Variants in CPVL observed in about 807,000 individuals in gnomAD.
CPVL encodes the protein carboxypeptidase vitellogenic like, also known as probable serine carboxypeptidase CPVL.
CPVL carries 51 observed loss-of-function variants against 63.7 expected under a neutral mutation model. The ratio of observed to expected loss-of-function variants is 0.80; its 90% CI spans 0.64 to 1.01. The LOEUF is 1.01. Among genes scored for constraint, CPVL ranks in the 50% least tolerant of loss-of-function variants. The pLI, the probability that CPVL is intolerant of heterozygous loss-of-function variation, is 0.00. For missense variants in CPVL, 530 were observed against 573.1 expected, an observed-to-expected ratio of 0.92 and a Z score of 0.77; for synonymous variants, 195 against 206.0, an observed-to-expected ratio of 0.95 and a Z score of 0.46.
At chr7:29,090,831 T>C (rs1279936599) in intron 6 of CPVL, among the ~76,000 whole-genome samples, 1 of 152,224 alleles carries the variant, frequency 6.6e-6, no homozygotes. Context: ...GAACGGTAAA[T>C]GTCTCCTTAC....
chr7:29,124,213 A>T (rs1296506136), intron 1 of CPVL, among the ~76,000 whole-genome samples: 1 of 152,166 alleles, frequency 6.6e-6, no homozygotes, highest in African/African-American at 2.4e-5. Flanking sequence ...ACATTTATTG[A>T]GCAATTTCTA....
At chr7:29,061,467 T>C (rs759163855) in intron 11 of CPVL, among the ~76,000 whole-genome samples, 5 of 152,122 alleles carry the variant, frequency 3.3e-5, no homozygotes, top group South Asian at 4.1e-4. Context: ...TTGGAATTCA[T>C]AGTGGTAAGT....
chr7:29,056,075 A>G (rs896068872), intron 11 of CPVL, among the ~76,000 whole-genome samples: 6 of 152,226 alleles, frequency 3.9e-5, no homozygotes, highest in African/African-American at 1.2e-4. Flanking sequence ...AATTGAGTGT[A>G]AAGTACAGAG....
chr7:29,165,496 T>TC, intron 5 of CPVL, among the ~76,000 whole-genome samples: 1 of 152,204 alleles, frequency 6.6e-6, no homozygotes, highest in South Asian at 2.1e-4. Flanking sequence ...TGTTGTCTGT[T>TC]AATAGAGACT....
intron 3 of CPVL, among the ~76,000 whole-genome samples, chr7:29,100,150 C>A (rs1225061448): frequency 6.6e-6 from 1 of 152,152 alleles, no homozygotes; most frequent in Non-Finnish European, 1.5e-5. Flanking sequence ...TGGAAGGTAG[C>A]CCCTGCTCTT....
chr7:29,144,006 T>G (rs551095697), intron 1 of CPVL, among the ~76,000 whole-genome samples: 1 of 152,236 alleles, frequency 6.6e-6, no homozygotes, highest in Non-Finnish European at 1.5e-5. Context: ...CTTGCAAATA[T>G]AGTATAAAAG....
At chr7:28,996,529 TAAA>T (rs1310022804) in intron 12 of CPVL, among the ~76,000 whole-genome samples, 1 of 106,146 alleles carries the variant, frequency 9.4e-6, no homozygotes, top group South Asian at 3.1e-4. Flanking sequence ...CCCCATCTCT[TAAA>T]AAAAAAAACC....
intron 12 of CPVL, among the ~76,000 whole-genome samples, chr7:29,018,798 G>T (rs991344674): frequency 7.9e-5 from 12 of 152,148 alleles, no homozygotes; most frequent in Non-Finnish European, 1.0e-4. Context: ...CAGCAACTTT[G>T]ATATTTGGAG....
chr7:29,061,255 GA>G (rs1791249120), intron 11 of CPVL, among the ~76,000 whole-genome samples: 1 of 151,386 alleles, frequency 6.6e-6, no homozygotes, highest in African/African-American at 2.4e-5. Flanking sequence ...TAAAAATACG[GA>G]AAAAAAATTA....
chr7:29,140,009 C>T (rs532371486), intron 1 of CPVL, among the ~76,000 whole-genome samples: 3 of 152,144 alleles, frequency 2.0e-5, no homozygotes, highest in Non-Finnish European at 2.9e-5. Flanking sequence ...CTCAGAATGG[C>T]TTCATCTTTA....
intron 12 of CPVL, among the ~76,000 whole-genome samples, chr7:29,016,876 C>G (rs1444518083): frequency 6.6e-6 from 1 of 152,230 alleles, no homozygotes; most frequent in Non-Finnish European, 1.5e-5. Context: ...AAACCAATAT[C>G]AAGAAGGTGG....
intron 12 of CPVL, among the ~76,000 whole-genome samples, chr7:29,017,054 C>T (rs752815029): frequency 6.6e-5 from 10 of 152,168 alleles, no homozygotes; most frequent in Admixed American, 1.3e-4. Context: ...ACTGCTTAAA[C>T]AATGGAACAC....
At chr7:29,051,610 GGATGCAGT>G (rs548123663) in intron 11 of CPVL, among the ~76,000 whole-genome samples, 8 of 152,140 alleles carry the variant, frequency 5.3e-5, no homozygotes, top group Non-Finnish European at 1.2e-4. Flanking sequence ...ATGTTAGCGT[GGATGCAGT>G]GATCAGGGAA....
chr7:29,095,609 C>A (rs1052336157), intron 4 of CPVL, among the ~76,000 whole-genome samples: 158 of 142,678 alleles, frequency 1.1e-3, no homozygotes, highest in South Asian at 0.01. Context: ...AAAAAAAAAA[C>A]AAAATGAGAT....
chr7:29,086,610 C>T (rs1785228302), intron 6 of CPVL, 60 bp from the exon 7 acceptor site: 1 of 1,227,512 alleles, frequency 8.1e-7, no homozygotes, highest in Admixed American at 1.7e-5. Flanking sequence ...AGGATCTCTT[C>T]ATGCTAGGAT....
intron 2 of CPVL, among the ~76,000 whole-genome samples, chr7:29,114,606 G>C (rs1788584734): frequency 6.6e-6 from 1 of 151,824 alleles, no homozygotes; most frequent in African/African-American, 2.4e-5. Context: ...CTCCAGCCTG[G>C]ATAACACAGC....
intron 9 of CPVL, among the ~76,000 whole-genome samples, chr7:29,068,316 G>A (rs1783346357): frequency 6.6e-6 from 1 of 152,108 alleles, no homozygotes; most frequent in African/African-American, 2.4e-5. Context: ...CCCCCGGCCT[G>A]TATTCATATT....
chr7:29,010,196 A>T (rs540466188), intron 12 of CPVL: 1 of 152,300 alleles, frequency 6.6e-6, no homozygotes, highest in Non-Finnish European at 1.5e-5. Flanking sequence ...ATAAAAAAAT[A>T]AATATTAGGA....
chr7:29,174,184 T>C (rs948146447), intron 5 of CPVL, among the ~76,000 whole-genome samples: 3 of 152,042 alleles, frequency 2.0e-5, no homozygotes, highest in East Asian at 1.9e-4. Context: ...CCCCCACACC[T>C]TGATGCTCCT....
Sources: allele counts gnomAD v4.1 joint callset (sites outside exome capture counted in the v4.1 genomes callset), GRCh38; gene constraint gnomAD v4.1.1; transcripts MANE v1.5; gene names NCBI Gene and HGNC (gene_info 2026-07-23, HGNC 2026-07-21).